OSBPL1A: variants seen among roughly 807,000 people sequenced by gnomAD.
OSBPL1A encodes oxysterol-binding protein-related protein 1.
OSBPL1A carries 80 observed loss-of-function variants against 137.1 expected under a neutral mutation model. The ratio of observed to expected loss-of-function variants is 0.58; its 90% CI spans 0.49 to 0.70. The LOEUF (loss-of-function observed/expected upper bound fraction) is 0.70, where lower values mean the gene tolerates loss of function less well. Among genes scored for constraint, OSBPL1A ranks in the 30% least tolerant of loss-of-function variants. The pLI, the probability that OSBPL1A is intolerant of heterozygous loss-of-function variation, is 0.00. For synonymous variants in OSBPL1A, 365 were observed against 389.7 expected (o/e 0.94, Z 0.75); for missense variants, 970 against 1,129.4 (o/e 0.86, Z 2.02).
chr18:24,237,053 AG>A (rs1774448356), intron 16 of OSBPL1A, among the ~76,000 whole-genome samples: 1 of 151,804 alleles, frequency 6.6e-6, no homozygotes, highest in African/African-American at 2.4e-5. Flanking sequence ...AAGCAAGTCC[AG>A]GGCAATTACA....
intron 18 of OSBPL1A, among the ~76,000 whole-genome samples, chr18:24,187,386 C>G (rs965006891): frequency 6.6e-6 from 1 of 152,042 alleles, no homozygotes; most frequent in African/African-American, 2.4e-5. Flanking sequence ...AAGGTGGTGC[C>G]TTTTTTGTTA....
At chr18:24,314,682 T>G (rs2090686610) in intron 11 of OSBPL1A, among the ~76,000 whole-genome samples, 2 of 152,208 alleles carry the variant, frequency 1.3e-5, no homozygotes, top group African/African-American at 4.8e-5. Flanking sequence ...CATTTTTTAT[T>G]CATACCCGTC....
rs763543993 is a variant in OSBPL1A at position 24,196,184 on chromosome 18, G to C, written c.1618C>G (p.Pro540Ala). 6.2e-7 allele frequency: 1 copy of C among 1,609,576 alleles called. No homozygotes were observed. Among genetic ancestry groups the C allele is most frequent in the Admixed American group, 1.7e-5 (1 of 59,886 alleles). The change falls in exon 18 of 28, where the codon CCT becomes GCT. Residue 540 changes from proline (P) to alanine (A), a missense_variant. This residue lies in a region of OSBPL1A where 647 missense variants were observed against 672.6 expected (regional missense o/e 0.96). Coordinates refer to ENST00000319481, the MANE Select transcript of OSBPL1A (RefSeq NM_080597.4). ...IKKHRTSLPS[P>A]MFSRNDFSIW... ...CTGAAGTCATTTCTGGAAAACATAG[G>C]AGAAGGCAAACTTGTTCTGAAAAAA... is the stretch of plus-strand genomic sequence containing the variant.
chr18:24,327,754 T>C (rs1347592095), intron 7 of OSBPL1A, among the ~76,000 whole-genome samples: 3 of 152,160 alleles, frequency 2.0e-5, no homozygotes, highest in Non-Finnish European at 2.9e-5. Context: ...ATTCTGACTT[T>C]TGTCAAAAAC....
At chr18:24,283,317 C>CAA (rs2090002927) in intron 14 of OSBPL1A, among the ~76,000 whole-genome samples, 1 of 134,676 alleles carries the variant, frequency 7.4e-6, no homozygotes, top group Non-Finnish European at 1.6e-5. Flanking sequence ...TATATATACA[C>CAA]ACACACACAG....
chr18:24,272,131 C>G (rs2089738835), intron 15 of OSBPL1A: 1 of 983,910 alleles, frequency 1.0e-6, no homozygotes, highest in African/African-American at 1.7e-5. Context: ...GAGGAGAGGT[C>G]GGGGACTGCT....
chr18:24,334,807 T>C (rs2091145083), intron 5 of OSBPL1A, among the ~76,000 whole-genome samples: 1 of 152,128 alleles, frequency 6.6e-6, no homozygotes, highest in Non-Finnish European at 1.5e-5. Context: ...GTTGAGAAAG[T>C]CATCTGTCCA....
intron 27 of OSBPL1A, among the ~76,000 whole-genome samples, chr18:24,164,482 G>A (rs1318101690): frequency 8.0e-6 from 1 of 125,340 alleles, no homozygotes; most frequent in African/African-American, 3.1e-5. Flanking sequence ...AGGCTGGAGT[G>A]CAGTGGCGCA....
At chr18:24,331,162 C>A (rs1384793815) in intron 7 of OSBPL1A, among the ~76,000 whole-genome samples, 3 of 152,172 alleles carry the variant, frequency 2.0e-5, no homozygotes, top group Non-Finnish European at 4.4e-5. Context: ...ATGTGCTATG[C>A]ATTACTCTAG....
chr18:24,165,630 T>C (rs917957489), intron 26 of OSBPL1A, among the ~76,000 whole-genome samples: 1 of 152,194 alleles, frequency 6.6e-6, no homozygotes, highest in East Asian at 1.9e-4. Flanking sequence ...GGCTCTATCA[T>C]AAGAGGCTGC....
At chr18:24,392,139 A>G (rs1907402325) in intron 1 of OSBPL1A, among the ~76,000 whole-genome samples, 1 of 152,092 alleles carries the variant, frequency 6.6e-6, no homozygotes, top group Non-Finnish European at 1.5e-5. Context: ...TACAGGCGTG[A>G]GCCACTGCAT....
At chr18:24,333,360 G>T (rs2091118566) in intron 6 of OSBPL1A, among the ~76,000 whole-genome samples, 2 of 152,156 alleles carry the variant, frequency 1.3e-5, no homozygotes, top group Non-Finnish European at 1.5e-5. Flanking sequence ...ACACACCTCA[G>T]ACACTAAGAT....
chr18:24,198,859 TG>T (rs1426566718), intron 17 of OSBPL1A, among the ~76,000 whole-genome samples: 16 of 137,326 alleles, frequency 1.2e-4, no homozygotes, highest in African/African-American at 4.4e-4. Context: ...TGTTTTTTTT[TG>T]TTGTTTTTTT....
intron 13 of OSBPL1A, among the ~76,000 whole-genome samples, chr18:24,310,049 A>G (rs1367202820): frequency 6.7e-6 from 1 of 150,070 alleles, no homozygotes; most frequent in Non-Finnish European, 1.5e-5. Context: ...TCTGTCTCAA[A>G]AAAAAAAAAA....
At chr18:24,197,441 T>A (rs2087067443) in intron 17 of OSBPL1A, among the ~76,000 whole-genome samples, 3 of 152,252 alleles carry the variant, frequency 2.0e-5, no homozygotes, top group African/African-American at 7.2e-5. Flanking sequence ...AAAAATTATC[T>A]TCTGAAGAAC....
chr18:24,215,814 G>A (rs1299916179), intron 17 of OSBPL1A, among the ~76,000 whole-genome samples: 2 of 152,204 alleles, frequency 1.3e-5, no homozygotes, highest in African/African-American at 4.8e-5. Flanking sequence ...CTGTTACTGT[G>A]AAAGATATTT....
chr18:24,256,694 T>G (rs1388348160), intron 15 of OSBPL1A, among the ~76,000 whole-genome samples: 3 of 152,120 alleles, frequency 2.0e-5, no homozygotes, highest in Non-Finnish European at 2.9e-5. Context: ...GCAGATGATA[T>G]GAACTTTTGT....
In OSBPL1A at chr18:24,237,420, G is replaced by A. The variant is rs112642489; in HGVS notation, c.1444+1800C>T. On this transcript the variant is annotated intron_variant, in intron 16 of 27. Transcript: ENST00000319481. The stretch of plus-strand genomic sequence containing the variant: ...CCTGGGCTTAAGCGATCCTCCCACC[G>A]CAGCCTTCTGAGCAGCTGGGATTAC... Among the ~76,000 whole-genome samples the A allele has an allele frequency of 9.4e-3, 1,429 of 152,008 alleles. 25 individuals are homozygous for A. The highest frequency in any genetic ancestry group is 0.032 in the African/African-American group (1,312 of 41,468).
At chr18:24,318,858 T>A in intron 7 of OSBPL1A, 49 bp from the exon 8 acceptor site, 1 of 1,421,338 alleles carries the variant, frequency 7.0e-7, no homozygotes, top group Non-Finnish European at 9.9e-7. Context: ...AAATGTACTA[T>A]GACAATCAAT....
Sources: gnomAD v4.1 joint callset for allele counts (sites outside exome capture counted in the v4.1 genomes callset) on GRCh38, gnomAD v4.1.1 for gene constraint, gnomAD v4.1.1 regional missense constraint, MANE v1.5 for transcripts, NCBI Gene and HGNC (gene_info 2026-07-23, HGNC 2026-07-21) for gene names.